The following SLC33A1 variants were observed in gnomAD, a reference collection of about 807,000 sequenced individuals.
The protein encoded by SLC33A1 is solute carrier family 33 member 1.
A neutral mutation model predicts 50.0 loss-of-function variants in SLC33A1; 20 were observed. The observed-to-expected ratio is 0.40, with a 90% confidence interval of 0.28 to 0.58. The LOEUF (loss-of-function observed/expected upper bound fraction) is 0.58, where lower values mean the gene tolerates loss of function less well. Ranked by LOEUF, SLC33A1 falls within the 20% of genes least tolerant of loss-of-function variation. The pLI is 0.44. For missense variants in SLC33A1, 476 were observed against 657.0 expected, an observed-to-expected ratio of 0.72 and a Z score of 3.01; for synonymous variants, 265 against 251.8, an observed-to-expected ratio of 1.05 and a Z score of -0.50.
intron 5 of SLC33A1, 148 bp downstream of exon 5, chr3:155,829,540 T>A: frequency 3.0e-6 from 2 of 656,054 alleles, no homozygotes; most frequent in Non-Finnish European, 5.3e-6. Flanking sequence ...TCAGCCTTGA[T>A]GTGAAAGAAA....
chr3:155,849,001 C>A (rs1178933324), intron 1 of SLC33A1, among the ~76,000 whole-genome samples: 5 of 151,224 alleles, frequency 3.3e-5, no homozygotes, highest in African/African-American at 1.2e-4. Flanking sequence ...CAGCCTCCAC[C>A]TCCCCAGTTC....
chr3:155,848,793 A>C (rs947880724), intron 1 of SLC33A1, among the ~76,000 whole-genome samples: 9 of 152,246 alleles, frequency 5.9e-5, no homozygotes, highest in African/African-American at 7.2e-5. Context: ...TTCTCAAATT[A>C]TCTCTGTCCC....
At chr3:155,847,009 A>T (rs1753201427) in intron 1 of SLC33A1, among the ~76,000 whole-genome samples, 2 of 151,710 alleles carry the variant, frequency 1.3e-5, no homozygotes, top group African/African-American at 4.8e-5. Context: ...GGAGTTCAAG[A>T]CCAGCCTTGC....
At chr3:155,843,239 G>T (rs1357672485) in intron 1 of SLC33A1, among the ~76,000 whole-genome samples, 2 of 152,050 alleles carry the variant, frequency 1.3e-5, no homozygotes, top group African/African-American at 4.8e-5. Context: ...CTAGGGGTGG[G>T]AAATGATTTT....
intron 2 of SLC33A1, among the ~76,000 whole-genome samples, chr3:155,838,093 C>T (rs1462475007): frequency 6.6e-6 from 1 of 152,000 alleles, no homozygotes; most frequent in Non-Finnish European, 1.5e-5. Flanking sequence ...CACCTGAGGT[C>T]GGGAGTTCGA....
intron 1 of SLC33A1, among the ~76,000 whole-genome samples, chr3:155,847,994 A>T (rs1753246934): frequency 6.6e-6 from 1 of 152,162 alleles, no homozygotes; most frequent in South Asian, 2.1e-4. Context: ...AAACCCAAAT[A>T]CACTGCTCCC....
In SLC33A1 at chr3:155,842,499, T is replaced by C; in HGVS notation, c.896A>G (p.Lys299Arg). 6.2e-7 allele frequency: 1 copy of C among 1,612,590 alleles called. No homozygotes were observed. The highest frequency in any genetic ancestry group is 8.5e-7 in the Non-Finnish European group (1 of 1,179,016). Residue 299 changes from lysine (K) to arginine (R), a missense_variant, in exon 2 of 6, where the codon AAG (lysine) becomes AGG (arginine). Physicochemically the swap from Lys to Arg is conservative, Grantham distance 26 (BLOSUM62 2). Coordinates refer to ENST00000643144, the MANE Select transcript of SLC33A1 (RefSeq NM_004733.4). ...CATTTTTATAATTGCAAAAAGCAGC[T>C]TGTAAGTATCTGTGATCCCTTGTGT... Reference protein sequence around the residue: ...EETQGITDTYKLLFAIIKMPA... With the variant: ...EETQGITDTYRLLFAIIKMPA...
intron 2 of SLC33A1, among the ~76,000 whole-genome samples, chr3:155,836,875 G>A (rs534772790): frequency 6.6e-6 from 1 of 152,292 alleles, no homozygotes; most frequent in Non-Finnish European, 1.5e-5. Flanking sequence ...CTAGGTGACA[G>A]AGACCTCATC....
In SLC33A1 at chr3:155,853,562, G is replaced by C. The variant is rs765570895; in HGVS notation, c.436C>G (p.Pro146Ala). 1 of 1,613,980 alleles carries C rather than the reference G, an allele frequency of 6.2e-7. No homozygotes were observed. The highest frequency in any genetic ancestry group is 1.7e-5 in the Admixed American group (1 of 59,984). ...AAGAGTCCTAGTATATACTGTGTCG[G>C]GACAAGCCAAGATTTGCGACGACCG... is the stretch of plus-strand genomic sequence containing the variant. ...NFGRRKSWLV[P>A]TQYILGLFMI... The change falls in exon 1 of 6, where the codon CCG (proline) becomes GCG (alanine). Residue 146 changes from proline to alanine, a missense_variant. Physicochemically the swap from Pro to Ala is conservative, Grantham distance 27 (BLOSUM62 -1). Transcript: ENST00000643144.
chr3:155,832,419 G>C (rs989412308), intron 4 of SLC33A1, among the ~76,000 whole-genome samples: 4 of 152,036 alleles, frequency 2.6e-5, no homozygotes, highest in Non-Finnish European at 5.9e-5. Context: ...GCTTAGGCTA[G>C]AGCAAAGTGG....
intron 2 of SLC33A1, among the ~76,000 whole-genome samples, chr3:155,839,908 G>C (rs1193799235): frequency 6.6e-6 from 1 of 151,266 alleles, no homozygotes; most frequent in Non-Finnish European, 1.5e-5. Context: ...TCGCGCCACT[G>C]TACTCCAGCC....
chr3:155,849,913 AAT>A (rs1753331785), intron 1 of SLC33A1, among the ~76,000 whole-genome samples: 1 of 9,662 alleles, frequency 1.0e-4, no homozygotes, highest in Non-Finnish European at 1.7e-4. Context: ...ATCTCAGAAT[AAT>A]AATAATAATA....
At chr3:155,842,999 T>TA (rs397875293) in intron 1 of SLC33A1, 3,784 of 97,786 alleles carry the variant, frequency 0.039, 95 homozygotes, top group Middle Eastern at 0.069. Flanking sequence ...AGACCTTGTC[T>TA]AAAAAAAAAA....
At chr3:155,848,200 A>G (rs9843645) in intron 1 of SLC33A1, among the ~76,000 whole-genome samples, 30,009 of 152,106 alleles carry the variant, frequency 0.2, 7,534 homozygotes, top group African/African-American at 0.58. Flanking sequence ...CACAGACACT[A>G]TTATAACGCA....
At position 155,853,709 on chromosome 3, in the gene SLC33A1, G is replaced by C. The variant is rs1577482520; in HGVS notation, c.289C>G (p.Leu97Val). 6.2e-7 allele frequency: 1 copy of C among 1,614,048 alleles called. No homozygotes were observed. Among genetic ancestry groups the C allele is most frequent in the Admixed American group, 1.7e-5 (1 of 60,004 alleles). Residue 97 changes from leucine to valine, a missense_variant, in exon 1 of 6, where the codon CTC (leucine) becomes GTC (valine). Transcript: ENST00000643144. The stretch of plus-strand genomic sequence containing the variant: ...CTAACATTTTTGCTTTGCAAAATGA[G>C]TGGGATGCTTCCCGCCAAGCCCAGG... ...IPLGLAGSIPLILQSKNVSYT... is the reference protein window; with the variant it reads ...IPLGLAGSIPVILQSKNVSYT...
At chr3:155,838,158 C>T (rs916466250) in intron 2 of SLC33A1, among the ~76,000 whole-genome samples, 44 of 151,930 alleles carry the variant, frequency 2.9e-4, no homozygotes, top group Admixed American at 7.9e-4. Flanking sequence ...ACAAAATTAG[C>T]CGGGCATGGT....
At chr3:155,845,378 G>A (rs1753128111) in intron 1 of SLC33A1, among the ~76,000 whole-genome samples, 1 of 152,084 alleles carries the variant, frequency 6.6e-6, no homozygotes, top group Admixed American at 6.6e-5. Flanking sequence ...CCAAGCTGCA[G>A]TGCAGTGGTG....
intron 1 of SLC33A1, among the ~76,000 whole-genome samples, chr3:155,846,742 C>T (rs1019847132): frequency 2.0e-5 from 3 of 151,856 alleles, no homozygotes; most frequent in African/African-American, 7.2e-5. Flanking sequence ...CATGAGCCAC[C>T]GTGCCTGGCT....
In SLC33A1 at chr3:155,829,579, C is replaced by T. The variant is rs138796351; in HGVS notation, c.1482+109G>A. On this transcript the variant is annotated intron_variant, in intron 5 of 5. Coordinates refer to ENST00000643144, the MANE Select transcript of SLC33A1 (RefSeq NM_004733.4). Reference sequence around the variant, plus strand: ...TATATGTAGATTTCTAAACCAGAACCTATGGACAGATATGATTTTTAAAAA... The same window carrying T: ...TATATGTAGATTTCTAAACCAGAACTTATGGACAGATATGATTTTTAAAAA... The T allele has an allele frequency of 2.3e-4, 188 of 801,908 alleles. No homozygotes were observed. In the African/African-American group the frequency reaches 2.7e-3, roughly 12 times the overall value. 49.7% of individuals were successfully genotyped at this position (801,908 alleles called of 1,614,324 possible).
Sources: allele counts gnomAD v4.1 joint callset (sites outside exome capture counted in the v4.1 genomes callset), GRCh38; gene constraint gnomAD v4.1.1; transcripts MANE v1.5; gene names NCBI Gene and HGNC (gene_info 2026-07-23, HGNC 2026-07-21).